GALNT13: variants seen among roughly 807,000 people sequenced by gnomAD.
The protein encoded by GALNT13 is polypeptide N-acetylgalactosaminyltransferase 13.
Under a neutral mutation model 64.2 loss-of-function variants are expected in GALNT13, and 28 were observed. That is an observed-to-expected ratio of 0.44 (90% CI 0.32 to 0.60). GALNT13 has a LOEUF of 0.60. Among genes scored for constraint, GALNT13 ranks in the 20% least tolerant of loss-of-function variants. The probability of loss-of-function intolerance (pLI) is 0.05; values close to 1 mark genes in which losing one functional copy is unlikely to be tolerated. For synonymous variants in GALNT13, 214 were observed against 224.6 expected (o/e 0.95, Z 0.42); for missense variants, 577 against 669.8 (o/e 0.86, Z 1.53).
chr2:154,445,992 A>G (rs573208278), intron 12 of GALNT13: 386 of 394,494 alleles, frequency 9.8e-4, no homozygotes, highest in South Asian at 7.3e-3. Context: ...TCCTCCCTTC[A>G]TTATCTACCT....
intron 1 of GALNT13, among the ~76,000 whole-genome samples, chr2:153,877,955 G>T (rs1471112366): frequency 6.6e-6 from 1 of 152,032 alleles, no homozygotes; most frequent in African/African-American, 2.4e-5. Flanking sequence ...GTATAAATGA[G>T]GCATCACCTC....
chr2:154,433,808 T>C (rs1387723675), intron 11 of GALNT13, among the ~76,000 whole-genome samples: 1 of 151,866 alleles, frequency 6.6e-6, no homozygotes, highest in Non-Finnish European at 1.5e-5. Context: ...AGGAAAGATA[T>C]GTTATCTACT....
At chr2:154,449,855 A>G (rs1429911814) in intron 12 of GALNT13, among the ~76,000 whole-genome samples, 11 of 152,008 alleles carry the variant, frequency 7.2e-5, no homozygotes, top group South Asian at 2.1e-4. Context: ...AGACCAAACT[A>G]TTGTAAGGAT....
At chr2:154,319,296 C>T (rs1196302782) in intron 9 of GALNT13, among the ~76,000 whole-genome samples, 1 of 152,126 alleles carries the variant, frequency 6.6e-6, no homozygotes, top group Non-Finnish European at 1.5e-5. Flanking sequence ...ATAATTCAAA[C>T]AAATGAGTAT....
At chr2:153,640,397 G>A in the GALNT13 span, among the ~76,000 whole-genome samples, 1 of 152,134 alleles carries the variant, frequency 6.6e-6, no homozygotes, top group Non-Finnish European at 1.5e-5. Context: ...AATTACAACT[G>A]AGCTCAAATG....
At chr2:154,092,421 C>G (rs1558953107) in intron 3 of GALNT13, among the ~76,000 whole-genome samples, 1 of 151,944 alleles carries the variant, frequency 6.6e-6, no homozygotes, top group East Asian at 1.9e-4. Flanking sequence ...ATGAGATGTG[C>G]AAAATGCCTG....
At chr2:153,468,247 A>G in the GALNT13 span, among the ~76,000 whole-genome samples, 3 of 152,088 alleles carry the variant, frequency 2.0e-5, no homozygotes, top group Non-Finnish European at 4.4e-5. Context: ...CTTTCTCTAC[A>G]CAGCACATTA....
chr2:154,405,914 A>T (rs707054), intron 10 of GALNT13, among the ~76,000 whole-genome samples: 1 of 152,212 alleles, frequency 6.6e-6, no homozygotes, highest in Non-Finnish European at 1.5e-5. Context: ...AAGAATTAAG[A>T]GGGGGAAAAT....
the GALNT13 span, among the ~76,000 whole-genome samples, chr2:153,087,372 G>A: frequency 3.4e-3 from 517 of 152,052 alleles, 3 homozygotes; most frequent in African/African-American, 0.012. Context: ...TACTGTTGGC[G>A]TCTGTTGTCT....
At chr2:153,372,250 T>G in the GALNT13 span, among the ~76,000 whole-genome samples, 1 of 152,184 alleles carries the variant, frequency 6.6e-6, no homozygotes, top group Non-Finnish European at 1.5e-5. Context: ...CATCCCCACT[T>G]TCTATTGACT....
the GALNT13 span, among the ~76,000 whole-genome samples, chr2:153,079,089 C>A: frequency 9.9e-4 from 151 of 152,174 alleles, 3 homozygotes; most frequent in African/African-American, 3.4e-3. Flanking sequence ...GAGACGACTG[C>A]CACTGTGAGT....
chr2:153,755,627 T>C, the GALNT13 span, among the ~76,000 whole-genome samples: 1 of 152,184 alleles, frequency 6.6e-6, no homozygotes, highest in African/African-American at 2.4e-5. Flanking sequence ...TTTGAGTTAC[T>C]TATATATTTT....
chr2:153,597,920 A>C, the GALNT13 span, among the ~76,000 whole-genome samples: 1 of 152,144 alleles, frequency 6.6e-6, no homozygotes, highest in Non-Finnish European at 1.5e-5. Flanking sequence ...CTATAATAAA[A>C]AAAGATGATA....
At chr2:153,365,574 G>T in the GALNT13 span, among the ~76,000 whole-genome samples, 1,677 of 152,232 alleles carry the variant, frequency 0.011, 18 homozygotes, top group Non-Finnish European at 0.014. Context: ...CCATCAAAAA[G>T]TGGGCAAAGG....
At chr2:154,079,643 C>A (rs2105410306) in intron 3 of GALNT13, among the ~76,000 whole-genome samples, 1 of 151,396 alleles carries the variant, frequency 6.6e-6, no homozygotes, top group East Asian at 2.0e-4. Flanking sequence ...GATGAGTCAC[C>A]CACATGCATG....
rs180891753 is a variant in GALNT13 at position 153,883,445 on chromosome 2, C to T, written c.-177+11142C>T. On this transcript the variant is annotated intron_variant, in intron 1 of 12. Transcript: ENST00000392825. ...CATACCATACCCAGTCAAAATATCC[C>T]GTGTCAGGGTAGAATTAAGACATTT... Among the ~76,000 whole-genome samples, 350 of 151,986 alleles carry T rather than the reference C, an allele frequency of 2.3e-3. 3 individuals are homozygous for T. Among genetic ancestry groups the T allele is most frequent in the South Asian group, 0.016 (76 of 4,810 alleles).
chr2:153,318,190 A>G, the GALNT13 span, among the ~76,000 whole-genome samples: 1 of 150,090 alleles, frequency 6.7e-6, no homozygotes, highest in South Asian at 2.1e-4. Context: ...CATTCTGCAT[A>G]TAAACATGAC....
chr2:154,430,703 A>C (rs1444401483), intron 11 of GALNT13, among the ~76,000 whole-genome samples: 2 of 152,208 alleles, frequency 1.3e-5, no homozygotes, highest in African/African-American at 4.8e-5. Context: ...CATGCTACAG[A>C]AAAATCTTTA....
rs200062656 is a variant in GALNT13 at position 153,884,847 on chromosome 2, A to G, written c.-177+12544A>G. On this transcript the variant is annotated intron_variant, in intron 1 of 12. Coordinates refer to ENST00000392825, the MANE Select transcript of GALNT13 (RefSeq NM_052917.4). The stretch of plus-strand genomic sequence containing the variant: ...TATATATGTGTGTGTGTGTGTGTAT[A>G]TATGTATATACACACACACACACAC... 5.0e-5 allele frequency among the ~76,000 whole-genome samples: 4 copies of G among 79,626 alleles called. No homozygotes were observed. In the East Asian group the frequency reaches 2.0e-3, roughly 40 times the overall value. The allele number at this position is 79,626 out of a possible 152,430, so 52.2% of individuals were successfully genotyped here.
Sources: gnomAD v4.1 joint callset for allele counts (sites outside exome capture counted in the v4.1 genomes callset) on GRCh38, gnomAD v4.1.1 for gene constraint, MANE v1.5 for transcripts, NCBI Gene and HGNC (gene_info 2026-07-23, HGNC 2026-07-21) for gene names.